Variants in PDE4B observed in about 807,000 individuals in gnomAD.
PDE4B encodes 3',5'-cyclic-AMP phosphodiesterase 4B.
PDE4B carries 20 observed loss-of-function variants against 82.2 expected under a neutral mutation model. The ratio of observed to expected loss-of-function variants is 0.24; its 90% CI spans 0.17 to 0.35. The LOEUF is 0.35. PDE4B is among the 10% of genes least tolerant of loss of function. The pLI is 1.00. For missense variants in PDE4B, 655 were observed against 907.2 expected (o/e 0.72, Z 3.57); for synonymous variants, 320 against 318.9 (o/e 1.00, Z -0.04).
chr1:65,913,411 G>T, intron 2 of PDE4B, 55 bp downstream of exon 2: 2 of 1,557,596 alleles, frequency 1.3e-6, no homozygotes, highest in Non-Finnish European at 1.8e-6. Context: ...GAAGTCACTG[G>T]ATAATTCTAT....
intron 8 of PDE4B, among the ~76,000 whole-genome samples, chr1:66,342,147 A>G (rs1032442407): frequency 6.6e-6 from 1 of 152,168 alleles, no homozygotes; most frequent in Admixed American, 6.5e-5. Context: ...AAATGTCGGG[A>G]AAAATCAAGG....
At chr1:65,900,191 C>T (rs912390878) in intron 1 of PDE4B, among the ~76,000 whole-genome samples, 7 of 151,882 alleles carry the variant, frequency 4.6e-5, no homozygotes, top group Admixed American at 1.3e-4. Context: ...TAGCCAGTTA[C>T]GCCAGCACCA....
At chr1:65,836,093 C>A (rs916714291) in intron 1 of PDE4B, among the ~76,000 whole-genome samples, 1 of 152,088 alleles carries the variant, frequency 6.6e-6, no homozygotes, top group African/African-American at 2.4e-5. Flanking sequence ...AGGCACACAC[C>A]ACCACACCTG....
At chr1:66,060,293 A>G (rs1655517459) in intron 3 of PDE4B, among the ~76,000 whole-genome samples, 1 of 152,234 alleles carries the variant, frequency 6.6e-6, no homozygotes, top group Admixed American at 6.5e-5. Context: ...AAAAGTAGAA[A>G]GAAAAATACA....
chr1:66,064,173 A>G (rs1439371739), intron 3 of PDE4B, among the ~76,000 whole-genome samples: 2 of 151,956 alleles, frequency 1.3e-5, no homozygotes, highest in African/African-American at 4.8e-5. Context: ...TTATCAGCAA[A>G]AATAGAATTT....
intron 8 of PDE4B, among the ~76,000 whole-genome samples, chr1:66,352,580 G>A (rs569856199): frequency 2.0e-5 from 3 of 152,276 alleles, no homozygotes; most frequent in East Asian, 3.9e-4. Context: ...CAGAGTTGCC[G>A]ATATAGCTAG....
At chr1:66,241,691 C>T (rs1364381636) in intron 3 of PDE4B, among the ~76,000 whole-genome samples, 2 of 152,046 alleles carry the variant, frequency 1.3e-5, no homozygotes, top group African/African-American at 2.4e-5. Flanking sequence ...TTTTAAGAAA[C>T]ACAGCATTTT....
At chr1:65,980,866 T>C (rs1650647108) in intron 3 of PDE4B, among the ~76,000 whole-genome samples, 2 of 152,114 alleles carry the variant, frequency 1.3e-5, no homozygotes, top group Non-Finnish European at 2.9e-5. Flanking sequence ...TTTAAAAAGA[T>C]TAAAAAACAC....
At chr1:65,911,831 T>C (rs1007895452) in intron 1 of PDE4B, among the ~76,000 whole-genome samples, 4 of 152,168 alleles carry the variant, frequency 2.6e-5, no homozygotes, top group African/African-American at 9.6e-5. Flanking sequence ...TTATCTACTT[T>C]GTCAGTTTCA....
intron 3 of PDE4B, among the ~76,000 whole-genome samples, chr1:65,931,067 C>A (rs1163730768): frequency 6.6e-6 from 1 of 152,160 alleles, no homozygotes; most frequent in Non-Finnish European, 1.5e-5. Flanking sequence ...GTGCTGTCCT[C>A]ATGATAATGA....
At chr1:66,181,635 G>C (rs1400659523) in intron 3 of PDE4B, among the ~76,000 whole-genome samples, 2 of 152,060 alleles carry the variant, frequency 1.3e-5, no homozygotes, top group Non-Finnish European at 2.9e-5. Context: ...ACATAATCTT[G>C]AGATTGACAT....
chr1:65,938,349 G>A (rs982093547), intron 3 of PDE4B, among the ~76,000 whole-genome samples: 17 of 152,190 alleles, frequency 1.1e-4, no homozygotes, highest in African/African-American at 4.1e-4. Context: ...TGGGGAATAT[G>A]TGAGTAGTAA....
At chr1:65,870,804 G>A (rs1328859398) in intron 1 of PDE4B, among the ~76,000 whole-genome samples, 1 of 152,146 alleles carries the variant, frequency 6.6e-6, no homozygotes, top group African/African-American at 2.4e-5. Flanking sequence ...AGCTAAGCAG[G>A]ATAGAGTATC....
chr1:65,996,388 C>T (rs529851844), intron 3 of PDE4B, among the ~76,000 whole-genome samples: 297 of 151,532 alleles, frequency 2.0e-3, no homozygotes, highest in African/African-American at 6.9e-3. Flanking sequence ...AAAAAAGATG[C>T]GTAAGAGCCT....
At chr1:66,043,793 C>T (rs1654529026) in intron 3 of PDE4B, among the ~76,000 whole-genome samples, 1 of 151,664 alleles carries the variant, frequency 6.6e-6, no homozygotes, top group African/African-American at 2.4e-5. Flanking sequence ...ACAAAACAGG[C>T]AACAGGATTG....
chr1:65,868,436 G>A (rs1646535810), intron 1 of PDE4B, among the ~76,000 whole-genome samples: 1 of 152,162 alleles, frequency 6.6e-6, no homozygotes, highest in Admixed American at 6.5e-5. Flanking sequence ...GTGAAAATTA[G>A]CCAGAGTTTC....
chr1:66,116,565 C>T (rs1645598418), intron 3 of PDE4B, among the ~76,000 whole-genome samples: 1 of 152,006 alleles, frequency 6.6e-6, no homozygotes, highest in Admixed American at 6.6e-5. Flanking sequence ...ATAAAGACCC[C>T]CCCAGCCCAC....
chr1:66,206,428 A>G (rs941754301), intron 3 of PDE4B, among the ~76,000 whole-genome samples: 14 of 152,228 alleles, frequency 9.2e-5, no homozygotes, highest in Admixed American at 8.5e-4. Context: ...CACAAAGACC[A>G]AAGATTAGAG....
intron 8 of PDE4B, among the ~76,000 whole-genome samples, chr1:66,343,218 A>C (rs1003377711): frequency 2.6e-5 from 4 of 152,222 alleles, no homozygotes; most frequent in Admixed American, 6.5e-5. Flanking sequence ...CTCTTGATTA[A>C]AACAGTGGAC....
Sources: allele counts gnomAD v4.1 joint callset (sites outside exome capture counted in the v4.1 genomes callset), GRCh38; gene constraint gnomAD v4.1.1; transcripts MANE v1.5; gene names NCBI Gene and HGNC (gene_info 2026-07-23, HGNC 2026-07-21).